IL17D: variants seen among roughly 807,000 people sequenced by gnomAD.
IL17D encodes interleukin 17D, also known as interleukin-17D.
A neutral mutation model predicts 5.7 loss-of-function variants in IL17D; 10 were observed. The ratio of observed to expected loss-of-function variants is 1.75; its 90% CI spans 1.08 to 2.97. The LOEUF is 2.97. IL17D is among the 30% of genes most tolerant of loss of function. IL17D has a pLI of 0.00. For synonymous variants in IL17D, 172 were observed against 141.7 expected, an observed-to-expected ratio of 1.21 and a Z score of -1.52; for missense variants, 354 against 292.7, an observed-to-expected ratio of 1.21 and a Z score of -1.53.
rs112636106 is a variant in IL17D, at chr13:20,708,795, C to T, written c.290+4504C>T. Among the ~76,000 whole-genome samples, 462 of 143,024 alleles carry T rather than the reference C, an allele frequency of 3.2e-3. 1 individual carries two copies. Among genetic ancestry groups the T allele is most frequent in the African/African-American group, 0.011 (422 of 38,452 alleles). 93.8% of individuals were successfully genotyped at this position (143,024 alleles called of 152,430 possible). On this transcript the variant is annotated intron_variant, in intron 1 of 1. Coordinates refer to ENST00000682841, the MANE Select transcript of IL17D (RefSeq NM_001385224.1). Reference sequence around the variant, plus strand: ...CAGGAGGATCATGAGGTCAGGAGATCGAGACCATCCTGGCTAACATGGTGA... The same window carrying T: ...CAGGAGGATCATGAGGTCAGGAGATTGAGACCATCCTGGCTAACATGGTGA...
chr13:20,716,904 G>A lies in IL17D; in HGVS notation c.291-4732G>A, dbSNP rs1440313380. Among the ~76,000 whole-genome samples, 1 of 152,238 alleles carries A rather than the reference G, an allele frequency of 6.6e-6. No individual in the cohort carries two copies. The highest frequency in any genetic ancestry group is 1.5e-5 in the Non-Finnish European group (1 of 68,044). On this transcript the variant is annotated intron_variant, in intron 1 of 1. Transcript: ENST00000682841. This position sits in a 1 kb window ranked among gnomAD's most constrained non-coding sequence, Gnocchi z 4.2. Reference sequence around the variant, plus strand: ...AAGGTGGGAGGGTGAGCCACATCAAGGCGCGTGTGCCAACCAGCGCCCCAG... The same window carrying A: ...AAGGTGGGAGGGTGAGCCACATCAAAGCGCGTGTGCCAACCAGCGCCCCAG...
At chr13:20,710,298 T>A (rs1162004717) in intron 1 of IL17D, among the ~76,000 whole-genome samples, 1 of 151,982 alleles carries the variant, frequency 6.6e-6, no homozygotes, top group Admixed American at 6.6e-5. Context: ...GTTTAAGATA[T>A]ACGTCATTCA....
At chr13:20,720,018 C>A (rs1395648870) in intron 1 of IL17D, among the ~76,000 whole-genome samples, 1 of 152,142 alleles carries the variant, frequency 6.6e-6, no homozygotes, top group Non-Finnish European at 1.5e-5. Context: ...TTCCTACATT[C>A]CGTCCTTTGT....
chr13:20,704,069 G>C lies in IL17D; in HGVS notation c.68G>C (p.Arg23Thr). The C allele has an allele frequency of 1.8e-6, 2 of 1,099,500 alleles. No homozygotes were observed. Among genetic ancestry groups the C allele is most frequent in the Non-Finnish European group, 2.2e-6 (2 of 908,844 alleles). The allele number at this position is 1,099,500 out of a possible 1,614,324, so 68.1% of individuals were successfully genotyped here. A position where few individuals can be genotyped will look rare whatever the true frequency, so the allele number is the denominator to read the frequency against. The stretch of plus-strand genomic sequence containing the variant: ...GCCGCGGGCGCCCCGAGGGCGGGCA[G>C]GCGCCCCGCGCGGCCGCGGGGCTGC... ...SWAAGAPRAGRRPARPRGCAD... is the reference protein window; with the variant it reads ...SWAAGAPRAGTRPARPRGCAD... Residue 23 changes from arginine to threonine, a missense_variant, in exon 1 of 2, where the codon AGG becomes ACG. Transcript: ENST00000682841.
At position 20,717,929 on chromosome 13, in the gene IL17D, C is replaced by T. The variant is rs142096819; in HGVS notation, c.291-3707C>T. ...TCACCTACAAAACTACCGGGGGTGA[C>T]GCCTGAGTGACAGTTGTTCATGAAG... On this transcript the variant is annotated intron_variant, in intron 1 of 1. Coordinates refer to ENST00000682841, the MANE Select transcript of IL17D (RefSeq NM_001385224.1). Among the ~76,000 whole-genome samples the T allele has an allele frequency of 1.2e-3, 181 of 152,190 alleles. 2 individuals are homozygous for T. In the East Asian group the frequency reaches 0.033, roughly 28 times the overall value.
intron 1 of IL17D, among the ~76,000 whole-genome samples, chr13:20,720,272 C>T (rs2058720811): frequency 6.6e-6 from 1 of 152,296 alleles, no homozygotes; most frequent in African/African-American, 2.4e-5. Flanking sequence ...TATCGGTGGA[C>T]AACTTAAAAC....
At chr13:20,706,930 A>G (rs1464121658) in intron 1 of IL17D, among the ~76,000 whole-genome samples, 3 of 152,192 alleles carry the variant, frequency 2.0e-5, no homozygotes, top group South Asian at 2.1e-4. Flanking sequence ...TGAAGGTGTC[A>G]TGTGCATCAT....
At chr13:20,717,868 C>G (rs2058689809) in intron 1 of IL17D, among the ~76,000 whole-genome samples, 1 of 152,158 alleles carries the variant, frequency 6.6e-6, no homozygotes, top group Non-Finnish European at 1.5e-5. Context: ...GCGGATGAAA[C>G]TCTGACCCTC....
intron 1 of IL17D, among the ~76,000 whole-genome samples, chr13:20,718,411 C>T (rs1184823236): frequency 3.3e-5 from 5 of 151,600 alleles, no homozygotes; most frequent in African/African-American, 4.9e-5. Context: ...CGCCAACGCT[C>T]ACACACATAC....
At chr13:20,705,576 G>C (rs959874411) in intron 1 of IL17D, among the ~76,000 whole-genome samples, 2 of 152,196 alleles carry the variant, frequency 1.3e-5, no homozygotes, top group African/African-American at 4.8e-5. Flanking sequence ...ACGTGCCTGT[G>C]GTCCCAGCTA....
At chr13:20,701,905 A>G (rs993826394), upstream of IL17D, 1 of 152,192 alleles carries the variant, frequency 6.6e-6, no homozygotes, top group Non-Finnish European at 1.5e-5. Flanking sequence ...CCCACTTCCA[A>G]GGTAATCCGG....
chr13:20,710,365 G>C (rs2058624933), intron 1 of IL17D, among the ~76,000 whole-genome samples: 1 of 147,176 alleles, frequency 6.8e-6, no homozygotes, highest in Non-Finnish European at 1.5e-5. Flanking sequence ...TGTAATCCCA[G>C]CGCTTTGGGA....
intron 1 of IL17D, among the ~76,000 whole-genome samples, chr13:20,719,355 A>C (rs1050348432): frequency 8.4e-5 from 12 of 142,586 alleles, no homozygotes; most frequent in Non-Finnish European, 4.6e-5. Context: ...ACACCTGCCC[A>C]TACTCACACA....
intron 1 of IL17D, among the ~76,000 whole-genome samples, chr13:20,709,325 G>C (rs2058616345): frequency 6.6e-6 from 1 of 152,056 alleles, no homozygotes; most frequent in Non-Finnish European, 1.5e-5. Flanking sequence ...AGACACACTT[G>C]CCCACGTGCC....
upstream of IL17D, chr13:20,703,236 G>A (rs12867036): frequency 0.017 from 16,829 of 982,654 alleles, 158 homozygotes; most frequent in Middle Eastern, 0.031. Context: ...GGCCCTTCGG[G>A]TTATTCCGCT....
At chr13:20,710,078 A>G (rs1270534194) in intron 1 of IL17D, among the ~76,000 whole-genome samples, 1 of 152,222 alleles carries the variant, frequency 6.6e-6, no homozygotes, top group Non-Finnish European at 1.5e-5. Flanking sequence ...CGTCTAGCCC[A>G]AGTCCCACCC....
At chr13:20,706,073 TG>T (rs1422261518) in intron 1 of IL17D, among the ~76,000 whole-genome samples, 1 of 152,208 alleles carries the variant, frequency 6.6e-6, no homozygotes, top group African/African-American at 2.4e-5. Flanking sequence ...TCCTGCCTCC[TG>T]GCTACTCTGC....
rs1025283400 is a variant in IL17D, at chr13:20,722,603, C to A, written c.*649C>A. 6.6e-6 allele frequency: 1 copy of A among 152,150 alleles called. No homozygotes were observed. Among genetic ancestry groups the A allele is most frequent in the Non-Finnish European group, 1.5e-5 (1 of 68,036 alleles). 9.4% of individuals were successfully genotyped at this position (152,150 alleles called of 1,614,324 possible). Reference sequence around the variant, plus strand: ...ACCGATGGCTGACTGATGAAATGGACACGTCTCATCTGACCCACTCTTCCT... The same window carrying A: ...ACCGATGGCTGACTGATGAAATGGAAACGTCTCATCTGACCCACTCTTCCT... On this transcript the variant is annotated 3_prime_UTR_variant, in exon 2 of 2. Coordinates refer to ENST00000682841, the MANE Select transcript of IL17D (RefSeq NM_001385224.1).
chr13:20,721,221 G>C (rs1384099068), intron 1 of IL17D, among the ~76,000 whole-genome samples: 1 of 152,000 alleles, frequency 6.6e-6, no homozygotes, highest in African/African-American at 2.4e-5. Flanking sequence ...CTTGAAACCC[G>C]CCCTACCTGC....
Sources: allele counts gnomAD v4.1 joint callset (sites outside exome capture counted in the v4.1 genomes callset), GRCh38; gene constraint gnomAD v4.1.1; non-coding constraint Gnocchi (gnomAD v3.1); transcripts MANE v1.5; gene names NCBI Gene and HGNC (gene_info 2026-07-23, HGNC 2026-07-21).